SPRED1: variants seen among roughly 807,000 people sequenced by gnomAD.
The protein encoded by SPRED1 is sprouty related EVH1 domain containing 1, also known as sprouty-related, EVH1 domain-containing protein 1.
In SPRED1, 18 loss-of-function variants were observed where a neutral mutation model predicts 52.3. The ratio of observed to expected loss-of-function variants is 0.34; its 90% CI spans 0.24 to 0.51. The LOEUF is 0.51. SPRED1 is among the 20% of genes least tolerant of loss of function. The pLI is 0.97. For missense variants in SPRED1, 485 were observed against 551.0 expected (o/e 0.88, Z 1.20); for synonymous variants, 155 against 179.7 (o/e 0.86, Z 1.10).
intron 1 of SPRED1, among the ~76,000 whole-genome samples, chr15:38,297,707 C>T (rs980734100): frequency 2.6e-5 from 4 of 151,564 alleles, no homozygotes; most frequent in Non-Finnish European, 5.9e-5. Flanking sequence ...TTTGAATTAC[C>T]AGGATGGTAG....
At position 38,353,350 on chromosome 15, in the gene SPRED1, A is replaced by G. The variant is rs1210324868; in HGVS notation, c.*1686A>G. The G allele has an allele frequency of 6.6e-6, 1 of 152,546 alleles. No individual in the cohort carries two copies. Among genetic ancestry groups the G allele is most frequent in the Non-Finnish European group, 1.5e-5 (1 of 67,960 alleles). 9.4% of individuals were successfully genotyped at this position (152,546 alleles called of 1,614,324 possible). On this transcript the variant is annotated 3_prime_UTR_variant, in exon 7 of 7. Coordinates refer to ENST00000299084, the MANE Select transcript of SPRED1 (RefSeq NM_152594.3). ...CTGTCTGTAAAATACTTTTTTTAAGAAAGCATTTATATTTATATGACAGCT... is the reference window on the plus strand; with the variant it reads ...CTGTCTGTAAAATACTTTTTTTAAGGAAGCATTTATATTTATATGACAGCT...
At position 38,253,029 on chromosome 15, in the gene SPRED1, G is replaced by A. The variant is rs1595707955; in HGVS notation, c.-157G>A. Reference sequence around the variant, plus strand: ...GGTGGCCGGGGTTCCCGGCTGGGGGGGTACCGTTCTGGGTGAGGCATCCAC... The same window carrying A: ...GGTGGCCGGGGTTCCCGGCTGGGGGAGTACCGTTCTGGGTGAGGCATCCAC... On this transcript the variant is annotated 5_prime_UTR_variant, in exon 1 of 7. Transcript: ENST00000299084. The A allele has an allele frequency of 2.9e-6, 2 of 694,288 alleles. No individual in the cohort carries two copies. Among genetic ancestry groups the A allele is most frequent in the Non-Finnish European group, 5.2e-6 (2 of 388,236 alleles). 43.0% of individuals were successfully genotyped at this position (694,288 alleles called of 1,614,324 possible). A position where few individuals can be genotyped will look rare whatever the true frequency, so the allele number is the denominator to read the frequency against.
chr15:38,340,008 A>G, intron 5 of SPRED1, 113 bp downstream of exon 5: 1 of 1,345,662 alleles, frequency 7.4e-7, no homozygotes, highest in Non-Finnish European at 1.0e-6. Context: ...GTAAACAAAC[A>G]AACAAAAACC....
chr15:38,292,661 G>A (rs149243017), intron 1 of SPRED1, among the ~76,000 whole-genome samples: 9 of 152,174 alleles, frequency 5.9e-5, no homozygotes, highest in African/African-American at 9.6e-5. Context: ...AGGAAAGACC[G>A]GCCCCCATGA....
intron 5 of SPRED1, among the ~76,000 whole-genome samples, chr15:38,344,781 A>G (rs1198107591): frequency 1.3e-5 from 2 of 152,200 alleles, no homozygotes; most frequent in Non-Finnish European, 1.5e-5. Flanking sequence ...TAGAACAATA[A>G]TACTCGTAAG....
Position 38,252,971 on chromosome 15 carries a change from C to T in SPRED1, c.-215C>T. ...GCGGGGGAAGAGGCTGGGGTCGCCA[C>T]GGCGGAGGTTGCTGCCGCCACCCCC... On this transcript the variant is annotated 5_prime_UTR_variant, in exon 1 of 7. It adds an upstream start codon to the 5' untranslated region. Transcript: ENST00000299084. The T allele has an allele frequency of 3.3e-6, 2 of 600,778 alleles. No homozygotes were observed. Among genetic ancestry groups the T allele is most frequent in the South Asian group, 2.0e-5 (1 of 51,010 alleles). The allele number at this position is 600,778 out of a possible 1,614,324, so 37.2% of individuals were successfully genotyped here.
intron 5 of SPRED1, among the ~76,000 whole-genome samples, chr15:38,341,779 GT>G (rs1289492573): frequency 1.3e-5 from 2 of 152,010 alleles, no homozygotes; most frequent in Non-Finnish European, 2.9e-5. Context: ...TATGGTCAGT[GT>G]TTTATGTGCA....
At chr15:38,333,030 T>C (rs781332205) in intron 4 of SPRED1, among the ~76,000 whole-genome samples, 2 of 152,180 alleles carry the variant, frequency 1.3e-5, no homozygotes, top group African/African-American at 4.8e-5. Context: ...ACCTTCCTAA[T>C]TGAATCATAG....
intron 1 of SPRED1, 73 bp from the exon 2 acceptor site, chr15:38,299,300 T>G (rs1407147116): frequency 6.5e-6 from 10 of 1,527,866 alleles, no homozygotes; most frequent in Non-Finnish European, 9.1e-6. Flanking sequence ...CTTTGGTTTC[T>G]CAAACAAGAC....
chr15:38,316,983 A>G (rs969496860), intron 2 of SPRED1, among the ~76,000 whole-genome samples: 6 of 151,548 alleles, frequency 4.0e-5, no homozygotes, highest in Non-Finnish European at 8.9e-5. Context: ...TATTTACTTT[A>G]CAGTAGCTGT....
chr15:38,270,964 A>G (rs1006901704), intron 1 of SPRED1, among the ~76,000 whole-genome samples: 1 of 152,190 alleles, frequency 6.6e-6, no homozygotes, highest in East Asian at 1.9e-4. Context: ...ATGATCTGCT[A>G]GATGAACCAT....
chr15:38,336,418 G>GTA (rs1286170681), intron 4 of SPRED1, among the ~76,000 whole-genome samples: 7 of 35,096 alleles, frequency 2.0e-4, no homozygotes, highest in Admixed American at 9.2e-4. Flanking sequence ...ATGTGTATGT[G>GTA]TGTGTATATA....
chr15:38,309,830 C>G (rs576873071), intron 2 of SPRED1, among the ~76,000 whole-genome samples: 1 of 152,098 alleles, frequency 6.6e-6, no homozygotes, highest in African/African-American at 2.4e-5. Flanking sequence ...CCAGTTTTTC[C>G]TGCACCATTG....
intron 4 of SPRED1, among the ~76,000 whole-genome samples, chr15:38,327,755 T>TCA: frequency 6.6e-6 from 1 of 152,220 alleles, no homozygotes; most frequent in Non-Finnish European, 1.5e-5. Context: ...GCTAAATTGG[T>TCA]CCCACATTTC....
At chr15:38,310,618 A>G (rs1406905520) in intron 2 of SPRED1, among the ~76,000 whole-genome samples, 2 of 152,196 alleles carry the variant, frequency 1.3e-5, no homozygotes, top group African/African-American at 2.4e-5. Flanking sequence ...GAATCCTTTC[A>G]TTAACATTTT....
chr15:38,347,599 A>G (rs1420728149), intron 5 of SPRED1, among the ~76,000 whole-genome samples: 1 of 150,822 alleles, frequency 6.6e-6, no homozygotes, highest in Non-Finnish European at 1.5e-5. Flanking sequence ...AGTTTAGGGG[A>G]TAATTTATCA....
chr15:38,264,712 C>T (rs1456184020), intron 1 of SPRED1, among the ~76,000 whole-genome samples: 19 of 151,958 alleles, frequency 1.3e-4, no homozygotes, highest in Non-Finnish European at 2.9e-5. Flanking sequence ...ACTGTTGCCA[C>T]CTCCCTCTGC....
intron 1 of SPRED1, among the ~76,000 whole-genome samples, chr15:38,290,375 A>C (rs975153859): frequency 1.3e-5 from 2 of 152,222 alleles, no homozygotes; most frequent in Non-Finnish European, 2.9e-5. Context: ...ACTGTCTAGC[A>C]GAACCTAAAA....
chr15:38,290,365 A>G (rs912204749), intron 1 of SPRED1, among the ~76,000 whole-genome samples: 5 of 152,200 alleles, frequency 3.3e-5, no homozygotes, highest in Non-Finnish European at 7.3e-5. Flanking sequence ...GGTTGATGAT[A>G]CTGTCTAGCA....
Sources: allele counts gnomAD v4.1 joint callset (sites outside exome capture counted in the v4.1 genomes callset), GRCh38; gene constraint gnomAD v4.1.1; transcripts MANE v1.5; gene names NCBI Gene and HGNC (gene_info 2026-07-23, HGNC 2026-07-21).